RALGPS1: variants seen among roughly 807,000 people sequenced by gnomAD.
The protein encoded by RALGPS1 is ras-specific guanine nucleotide-releasing factor RalGPS1.
A neutral mutation model predicts 78.8 loss-of-function variants in RALGPS1; 19 were observed. That is an observed-to-expected ratio of 0.24 (90% CI 0.17 to 0.35). The LOEUF is 0.35. Ranked by LOEUF, RALGPS1 falls within the 10% of genes least tolerant of loss-of-function variation. The pLI is 1.00. For missense variants in RALGPS1, 454 were observed against 688.3 expected (o/e 0.66, Z 3.81); for synonymous variants, 228 against 256.3 (o/e 0.89, Z 1.06).
rs11380006 is a variant in RALGPS1 at position 127,002,433 on chromosome 9, C to CTTT, written c.216+24700_216+24702dup. 2.3e-4 allele frequency among the ~76,000 whole-genome samples: 27 copies of CTTT among 117,356 alleles called. 2 individuals carry two copies. The highest frequency in any genetic ancestry group is 4.3e-4 in the African/African-American group (15 of 34,902). The allele number at this position is 117,356 out of a possible 152,430, so 77.0% of individuals were successfully genotyped here. ...TATGAGTAGTGATACCACAAACATT[C>CTTT]TTTTTTTTTTTTTTCTTTTTTTTTT... On this transcript the variant is annotated intron_variant, in intron 4 of 18. Transcript: ENST00000259351.
intron 1 of RALGPS1, among the ~76,000 whole-genome samples, chr9:126,934,688 C>A (rs559587353): frequency 7.2e-5 from 11 of 152,242 alleles, no homozygotes; most frequent in African/African-American, 2.6e-4. Context: ...CTCTCTCTGC[C>A]TCCTCCTTGT....
At chr9:126,915,164 G>C (rs1221215640) in intron 1 of RALGPS1, among the ~76,000 whole-genome samples, 189 bp downstream of exon 1, 3 of 145,414 alleles carry the variant, frequency 2.1e-5, no homozygotes, top group Non-Finnish European at 4.6e-5. Context: ...CGTGCCTGCG[G>C]GTGCCCGGCG....
Position 127,108,476 on chromosome 9 carries a change from T to C in RALGPS1, c.610+39120T>C, listed in dbSNP as rs1227860077. On this transcript the variant is annotated intron_variant, in intron 8 of 18. Coordinates refer to ENST00000259351, the MANE Select transcript of RALGPS1 (RefSeq NM_014636.3). Reference sequence around the variant, plus strand: ...TTGTTGAGCAGCTCTAGCTCCTGCTTATGCACTCGGTTCTCCAGAAGCACC... The same window carrying C: ...TTGTTGAGCAGCTCTAGCTCCTGCTCATGCACTCGGTTCTCCAGAAGCACC... 4 of 1,612,128 alleles carry C rather than the reference T, an allele frequency of 2.5e-6. No individual in the cohort carries two copies. Among genetic ancestry groups the C allele is most frequent in the Non-Finnish European group, 3.4e-6 (4 of 1,179,544 alleles).
intron 18 of RALGPS1, among the ~76,000 whole-genome samples, chr9:127,216,557 T>G (rs918866400): frequency 2.0e-5 from 3 of 152,222 alleles, no homozygotes; most frequent in African/African-American, 7.2e-5. Flanking sequence ...CAAAAACATT[T>G]GGAAAGGATG....
At chr9:126,976,474 GT>G (rs1407469902) in intron 3 of RALGPS1, among the ~76,000 whole-genome samples, 2 of 151,982 alleles carry the variant, frequency 1.3e-5, no homozygotes, top group Non-Finnish European at 2.9e-5. Context: ...TGTCTTATGT[GT>G]TTATTGAGCA....
At chr9:126,990,700 A>G (rs2042207564) in intron 4 of RALGPS1, among the ~76,000 whole-genome samples, 1 of 152,210 alleles carries the variant, frequency 6.6e-6, no homozygotes. Context: ...TAGCCGCCTC[A>G]TACTTCTTAC....
At chr9:127,097,317 A>G (rs2053242399) in intron 8 of RALGPS1, among the ~76,000 whole-genome samples, 1 of 152,256 alleles carries the variant, frequency 6.6e-6, no homozygotes, top group Non-Finnish European at 1.5e-5. Flanking sequence ...TTTCTAGAAT[A>G]ATCGAGTAGG....
chr9:127,146,944 G>T (rs1341304586), intron 8 of RALGPS1, among the ~76,000 whole-genome samples: 1 of 152,202 alleles, frequency 6.6e-6, no homozygotes, highest in Non-Finnish European at 1.5e-5. Context: ...AGTTCTTTGA[G>T]AAATCTCCAG....
intron 4 of RALGPS1, among the ~76,000 whole-genome samples, chr9:127,031,288 C>G (rs1487159791): frequency 6.6e-6 from 1 of 152,254 alleles, no homozygotes; most frequent in African/African-American, 2.4e-5. Flanking sequence ...TTCCTAAACC[C>G]ACTTAACACG....
At chr9:127,055,323 A>G (rs1245474493) in intron 7 of RALGPS1, among the ~76,000 whole-genome samples, 3 of 152,148 alleles carry the variant, frequency 2.0e-5, no homozygotes, top group Non-Finnish European at 2.9e-5. Flanking sequence ...GGCTCAAGCA[A>G]TCCTCCCACC....
At chr9:126,919,376 A>G (rs1588435398) in intron 1 of RALGPS1, among the ~76,000 whole-genome samples, 1 of 152,330 alleles carries the variant, frequency 6.6e-6, no homozygotes, top group Non-Finnish European at 1.5e-5. Context: ...GGTCCCAGTG[A>G]ACAGTAGATT....
intron 4 of RALGPS1, among the ~76,000 whole-genome samples, chr9:126,984,174 A>G (rs1564362774): frequency 6.6e-6 from 1 of 152,094 alleles, no homozygotes; most frequent in Non-Finnish European, 1.5e-5. Flanking sequence ...GTGTGGTCAT[A>G]GCTCACTGCA....
At chr9:126,956,249 C>G (rs3120027) in intron 1 of RALGPS1, among the ~76,000 whole-genome samples, 109,953 of 151,768 alleles carry the variant, frequency 0.72, 40,016 homozygotes, top group East Asian at 0.81. Flanking sequence ...GTTCTCAGGG[C>G]GGGGCTAGGC....
intron 4 of RALGPS1, among the ~76,000 whole-genome samples, chr9:127,020,212 T>C (rs186759875): frequency 3.3e-5 from 5 of 152,304 alleles, no homozygotes; most frequent in Non-Finnish European, 7.4e-5. Context: ...TGGTTTAACT[T>C]TTCTCGTTTC....
intron 4 of RALGPS1, among the ~76,000 whole-genome samples, chr9:126,988,124 G>C (rs1437813109): frequency 1.3e-5 from 2 of 152,164 alleles, no homozygotes. Context: ...TGAGTGGCCA[G>C]GAAATACAAG....
intron 8 of RALGPS1, chr9:127,089,144 A>C (rs1432279317): frequency 6.2e-7 from 1 of 1,614,020 alleles, no homozygotes; most frequent in East Asian, 2.2e-5. Context: ...GTTTCCTGCA[A>C]GAGAGAAGGC....
At chr9:127,194,488 C>T (rs1039235712) in intron 11 of RALGPS1, among the ~76,000 whole-genome samples, 1 of 152,220 alleles carries the variant, frequency 6.6e-6, no homozygotes, top group Non-Finnish European at 1.5e-5. Flanking sequence ...TCTTGGCTCA[C>T]TGCAACTTCC....
intron 4 of RALGPS1, among the ~76,000 whole-genome samples, chr9:126,987,377 G>T (rs867496675): frequency 1.4e-4 from 21 of 152,306 alleles, no homozygotes; most frequent in African/African-American, 4.8e-4. Flanking sequence ...ATTTCAGGCA[G>T]AATGAATAAC....
chr9:127,182,868 G>A (rs1300277109), intron 11 of RALGPS1, among the ~76,000 whole-genome samples: 5 of 152,106 alleles, frequency 3.3e-5, no homozygotes, highest in African/African-American at 1.2e-4. Context: ...ATAAATACCT[G>A]AGGCTGAGTA....
Sources: gnomAD v4.1 joint callset for allele counts (sites outside exome capture counted in the v4.1 genomes callset) on GRCh38, gnomAD v4.1.1 for gene constraint, MANE v1.5 for transcripts, NCBI Gene and HGNC (gene_info 2026-07-23, HGNC 2026-07-21) for gene names.